MSRB3: variants seen among roughly 807,000 people sequenced by gnomAD.
The protein encoded by MSRB3 is methionine sulfoxide reductase B3.
A neutral mutation model predicts 21.0 loss-of-function variants in MSRB3; 13 were observed. The observed-to-expected ratio is 0.62, with a 90% confidence interval of 0.40 to 0.98. The LOEUF is 0.98. Among genes scored for constraint, MSRB3 ranks in the 50% least tolerant of loss-of-function variants. MSRB3 has a pLI of 0.00. For missense variants in MSRB3, 199 were observed against 230.3 expected (o/e 0.86, Z 0.88); for synonymous variants, 87 against 88.6 (o/e 0.98, Z 0.10).
At chr12:65,306,571 G>C (rs1296371853) in intron 1 of MSRB3, among the ~76,000 whole-genome samples, 1 of 152,194 alleles carries the variant, frequency 6.6e-6, no homozygotes, top group African/African-American at 2.4e-5. Context: ...ATGGAGAACA[G>C]TGTGACAAAT....
At chr12:65,343,667 G>A (rs962378587) in intron 4 of MSRB3, among the ~76,000 whole-genome samples, 1 of 151,978 alleles carries the variant, frequency 6.6e-6, no homozygotes, top group African/African-American at 2.4e-5. Flanking sequence ...CTCACAAAGG[G>A]TATGTAATAT....
intron 2 of MSRB3, among the ~76,000 whole-genome samples, chr12:65,317,120 AC>A (rs1291769761): frequency 6.6e-6 from 1 of 152,140 alleles, no homozygotes; most frequent in African/African-American, 2.4e-5. Flanking sequence ...ATGAGTAGTA[AC>A]TTTTTTGGGC....
chr12:65,347,370 G>A (rs142765253), intron 4 of MSRB3, among the ~76,000 whole-genome samples: 4,028 of 152,142 alleles, frequency 0.026, 190 homozygotes, highest in African/African-American at 0.092. Context: ...GTTCACTCAT[G>A]ATTTGGCTCT....
chr12:65,287,902 A>G (rs970184187), intron 1 of MSRB3, among the ~76,000 whole-genome samples: 2 of 151,612 alleles, frequency 1.3e-5, no homozygotes, highest in Admixed American at 1.3e-4. Context: ...GAATTGGAAA[A>G]CTAGGTTTTT....
Position 65,423,424 on chromosome 12 carries a change from T to G in MSRB3, c.293-30304T>G, listed in dbSNP as rs141628836. The stretch of plus-strand genomic sequence containing the variant: ...GTAGTGAGAGTAGGCACCCTTGTCT[T>G]GTTTCAGATCTTAGAAAGAACTTTT... On this transcript the variant is annotated intron_variant, in intron 5 of 6. Coordinates refer to ENST00000308259, the MANE Select transcript of MSRB3 (RefSeq NM_001031679.3). Among the ~76,000 whole-genome samples the G allele has an allele frequency of 3.9e-5, 6 of 152,364 alleles. No individual in the cohort carries two copies. The East Asian group carries it at 9.6e-4, about 24-fold the overall frequency.
At chr12:65,400,187 C>T (rs1880044461) in intron 5 of MSRB3, among the ~76,000 whole-genome samples, 1 of 150,042 alleles carries the variant, frequency 6.7e-6, no homozygotes, top group South Asian at 2.1e-4. Flanking sequence ...GTACTAGCTC[C>T]TGTTTGTACC....
rs572289121 is a variant in MSRB3 at position 65,298,509 on chromosome 12, C to T, written c.-51-10020C>T. Among the ~76,000 whole-genome samples, 310 of 152,242 alleles carry T rather than the reference C, an allele frequency of 2.0e-3. 2 individuals carry two copies. Among genetic ancestry groups the T allele is most frequent in the Non-Finnish European group, 3.5e-3 (238 of 68,008 alleles). On this transcript the variant is annotated intron_variant, in intron 1 of 6. Coordinates refer to ENST00000308259, the MANE Select transcript of MSRB3 (RefSeq NM_001031679.3). The stretch of plus-strand genomic sequence containing the variant: ...AGAAATTTTGCAAAATATTTTATTT[C>T]TTCTACTTTATGATCTCATTCAGGA...
chr12:65,381,726 TA>T (rs995068475), intron 5 of MSRB3, among the ~76,000 whole-genome samples: 1 of 151,988 alleles, frequency 6.6e-6, no homozygotes, highest in Non-Finnish European at 1.5e-5. Context: ...AGGATAGGAG[TA>T]AAAAATTAAC....
intron 5 of MSRB3, among the ~76,000 whole-genome samples, chr12:65,387,322 T>C (rs1014842861): frequency 4.6e-5 from 7 of 151,936 alleles, no homozygotes; most frequent in Non-Finnish European, 8.8e-5. Flanking sequence ...GTGTGTAGTA[T>C]TTTTTTTCCC....
At chr12:65,299,448 C>G (rs953538555) in intron 1 of MSRB3, among the ~76,000 whole-genome samples, 3 of 152,174 alleles carry the variant, frequency 2.0e-5, no homozygotes, top group Admixed American at 1.3e-4. Context: ...TGTGCTGATG[C>G]AGTTGCTGCC....
chr12:65,334,223 C>T lies in MSRB3; in HGVS notation c.263+5620C>T, dbSNP rs118013915. 6.3e-3 allele frequency among the ~76,000 whole-genome samples: 963 copies of T among 152,278 alleles called. 7 individuals carry two copies. Among genetic ancestry groups the T allele is most frequent in the South Asian group, 0.024 (118 of 4,826 alleles). The stretch of plus-strand genomic sequence containing the variant: ...TTCACTAATGATAATGATAATAATG[C>T]TAAAACAATAGCTAACACTTACTAC... On this transcript the variant is annotated intron_variant, in intron 4 of 6. Transcript: ENST00000308259.
At chr12:65,320,112 A>G (rs1874565782) in intron 2 of MSRB3, among the ~76,000 whole-genome samples, 1 of 152,222 alleles carries the variant, frequency 6.6e-6, no homozygotes, top group South Asian at 2.1e-4. Flanking sequence ...TATAGAATAT[A>G]ATTGAAACTG....
intron 4 of MSRB3, among the ~76,000 whole-genome samples, chr12:65,357,412 A>T (rs1484999370): frequency 6.6e-6 from 1 of 151,970 alleles, no homozygotes; most frequent in African/African-American, 2.4e-5. Context: ...TTCTATTTAC[A>T]GAAAAATTGA....
chr12:65,452,261 G>A (rs1019023063), intron 5 of MSRB3, among the ~76,000 whole-genome samples: 1 of 151,992 alleles, frequency 6.6e-6, no homozygotes, highest in African/African-American at 2.4e-5. Flanking sequence ...AGGTTAAAAA[G>A]GAAAATACAG....
chr12:65,281,677 C>T (rs1473808659), intron 1 of MSRB3: 1 of 152,150 alleles, frequency 6.6e-6, no homozygotes, highest in Non-Finnish European at 1.5e-5. Context: ...GATAGTTAAG[C>T]CCAGGCCTTA....
chr12:65,373,047 C>A (rs1324457488), intron 5 of MSRB3, among the ~76,000 whole-genome samples: 3 of 152,132 alleles, frequency 2.0e-5, no homozygotes, highest in Non-Finnish European at 4.4e-5. Flanking sequence ...CTGTACATAT[C>A]CATTGGCAAA....
chr12:65,412,053 C>T (rs954850475), intron 5 of MSRB3, among the ~76,000 whole-genome samples: 4 of 152,000 alleles, frequency 2.6e-5, no homozygotes, highest in Non-Finnish European at 4.4e-5. Context: ...TTCATGAGAC[C>T]GCACTTCCTA....
chr12:65,404,545 GT>G (rs745942416), intron 5 of MSRB3, among the ~76,000 whole-genome samples: 5 of 152,094 alleles, frequency 3.3e-5, no homozygotes, highest in Non-Finnish European at 7.4e-5. Flanking sequence ...AATGCTCTTT[GT>G]TTACATAGAT....
intron 4 of MSRB3, among the ~76,000 whole-genome samples, chr12:65,352,248 T>C (rs1877059036): frequency 6.6e-6 from 1 of 152,104 alleles, no homozygotes; most frequent in Admixed American, 6.6e-5. Context: ...AAAAAGCCTT[T>C]GACAAAATTC....
Sources: allele counts gnomAD v4.1 joint callset (sites outside exome capture counted in the v4.1 genomes callset), GRCh38; gene constraint gnomAD v4.1.1; transcripts MANE v1.5; gene names NCBI Gene and HGNC (gene_info 2026-07-23, HGNC 2026-07-21).